Variants in IL19 observed in about 807,000 individuals in gnomAD.
IL19 encodes interleukin 19.
In IL19, 15 loss-of-function variants were observed where a neutral mutation model predicts 19.5. That is an observed-to-expected ratio of 0.77 (90% confidence interval 0.52 to 1.19). The LOEUF (loss-of-function observed/expected upper bound fraction) is 1.19, where lower values mean the gene tolerates loss of function less well. Ranked by LOEUF, IL19 falls within the 50% of genes most tolerant of loss-of-function variation. The probability of loss-of-function intolerance (pLI) is 0.00; values close to 1 mark genes in which losing one functional copy is unlikely to be tolerated. For synonymous variants in IL19, 78 were observed against 78.3 expected, an observed-to-expected ratio of 1.00 and a Z score of 0.02; for missense variants, 199 against 213.1, an observed-to-expected ratio of 0.93 and a Z score of 0.41.
At chr1:206,836,362 T>C (rs867435903) in intron 2 of IL19, among the ~76,000 whole-genome samples, 1 of 151,538 alleles carries the variant, frequency 6.6e-6, no homozygotes, top group Non-Finnish European at 1.5e-5. Flanking sequence ...TGTTGAGTCA[T>C]AGGAGAGTGA....
chr1:206,831,124 T>A (rs1280458161), intron 2 of IL19, among the ~76,000 whole-genome samples: 1 of 152,216 alleles, frequency 6.6e-6, no homozygotes, highest in Non-Finnish European at 1.5e-5. Context: ...TACTTAGGAA[T>A]GGCCAGGATC....
At chr1:206,800,363 G>A (rs1376008332) in intron 2 of IL19, among the ~76,000 whole-genome samples, 1 of 152,232 alleles carries the variant, frequency 6.6e-6, no homozygotes, top group East Asian at 1.9e-4. Context: ...GGCAGTGGTG[G>A]TGGGGTAGGG....
chr1:206,789,173 T>C (rs773875547), intron 1 of IL19, among the ~76,000 whole-genome samples: 4 of 152,204 alleles, frequency 2.6e-5, no homozygotes, highest in Non-Finnish European at 5.9e-5. Context: ...GTCCTGGCAT[T>C]CCATGAAGGT....
chr1:206,786,625 G>A (rs1161217353), intron 1 of IL19, among the ~76,000 whole-genome samples: 1 of 152,122 alleles, frequency 6.6e-6, no homozygotes, highest in Non-Finnish European at 1.5e-5. Context: ...AGCCCACGTT[G>A]AGCCAGAACT....
At position 206,839,948 on chromosome 1, in the gene IL19, A is replaced by C. The variant is rs908928493; in HGVS notation, c.309A>C (p.Lys103Asn). The stretch of plus-strand genomic sequence containing the variant: ...AGCCAAACCCCAAAATCTTGAGAAA[A>C]ATCAGCAGCATTGCCAACTCTTTCC... ...HQEPNPKILR[K>N]ISSIANSFLY... Residue 103 changes from lysine to asparagine, a missense_variant, in exon 5 of 7, where the codon AAA (lysine) becomes AAC (asparagine). Transcript: ENST00000659997. The C allele has an allele frequency of 1.9e-6, 3 of 1,614,048 alleles. No homozygotes were observed. Among genetic ancestry groups the C allele is most frequent in the Non-Finnish European group, 1.7e-6 (2 of 1,180,030 alleles).
chr1:206,827,158 TA>T (rs1470330056), intron 2 of IL19, among the ~76,000 whole-genome samples: 10 of 152,192 alleles, frequency 6.6e-5, no homozygotes, highest in Admixed American at 2.6e-4. Context: ...ACAGACTGAA[TA>T]TTTTTTTATT....
chr1:206,771,700 T>G (rs1245163304), intron 1 of IL19, among the ~76,000 whole-genome samples: 2 of 152,208 alleles, frequency 1.3e-5, no homozygotes. Context: ...GGAGCTACAT[T>G]CGGCTTTAAG....
intron 2 of IL19, among the ~76,000 whole-genome samples, chr1:206,829,732 A>C (rs1316670564): frequency 6.6e-6 from 1 of 152,164 alleles, no homozygotes; most frequent in Non-Finnish European, 1.5e-5. Flanking sequence ...GGGAGGCATC[A>C]GTTGGGCTCT....
intron 1 of IL19, among the ~76,000 whole-genome samples, chr1:206,787,140 C>G (rs1288556425): frequency 1.3e-5 from 2 of 152,188 alleles, no homozygotes; most frequent in Non-Finnish European, 2.9e-5. Context: ...GCCCTGTGCT[C>G]TCCCACGTCC....
At chr1:206,803,264 G>A (rs569317750) in intron 2 of IL19, among the ~76,000 whole-genome samples, 57 of 152,300 alleles carry the variant, frequency 3.7e-4, no homozygotes, top group African/African-American at 1.3e-3. Flanking sequence ...GTGCCAGGAA[G>A]TCGGGGTTGG....
intron 1 of IL19, chr1:206,772,223 T>C: frequency 6.4e-7 from 1 of 1,557,006 alleles, no homozygotes; most frequent in Non-Finnish European, 8.9e-7. Flanking sequence ...AATGTCTAGT[T>C]CAGGCAGTCC....
intron 1 of IL19, among the ~76,000 whole-genome samples, chr1:206,780,748 T>C (rs1205227934): frequency 1.3e-5 from 2 of 152,220 alleles, no homozygotes; most frequent in Non-Finnish European, 2.9e-5. Context: ...CAATTCTTTT[T>C]CAGATCAGTA....
intron 2 of IL19, among the ~76,000 whole-genome samples, chr1:206,821,740 G>C (rs1309344974): frequency 6.6e-6 from 1 of 152,254 alleles, no homozygotes; most frequent in Non-Finnish European, 1.5e-5. Context: ...GCTAAGAAAA[G>C]GGAGAAGTGA....
At chr1:206,789,960 T>C (rs1013864460) in intron 1 of IL19, among the ~76,000 whole-genome samples, 2 of 152,236 alleles carry the variant, frequency 1.3e-5, no homozygotes, top group South Asian at 2.1e-4. Context: ...TCCATATCTT[T>C]CCAATTGTGA....
At chr1:206,794,532 C>T (rs1034068622) in intron 1 of IL19, among the ~76,000 whole-genome samples, 1 of 152,186 alleles carries the variant, frequency 6.6e-6, no homozygotes, top group African/African-American at 2.4e-5. Context: ...GCCCCGGGTC[C>T]TCCTGTTGGG....
intron 1 of IL19, among the ~76,000 whole-genome samples, chr1:206,794,175 G>T (rs1663897018): frequency 6.6e-6 from 1 of 152,138 alleles, no homozygotes; most frequent in African/African-American, 2.4e-5. Context: ...CTTCTCATTG[G>T]CCACCAGAAC....
intron 1 of IL19, among the ~76,000 whole-genome samples, chr1:206,791,929 ATG>A (rs55855361): frequency 6.6e-6 from 1 of 151,306 alleles, no homozygotes; most frequent in Non-Finnish European, 1.5e-5. Flanking sequence ...GGTCCTGTGC[ATG>A]TGTGTGTGTG....
Position 206,794,052 on chromosome 1 carries a change from C to G in IL19, c.-148-4809C>G, listed in dbSNP as rs187838100. On this transcript the variant is annotated intron_variant, in intron 1 of 6. Transcript: ENST00000659997. ...ATCTAGGGACTCCTGGGTCATGGCTCTTCAGGTGGTGGATGGGCAATGTTC... is the reference window on the plus strand; with the variant it reads ...ATCTAGGGACTCCTGGGTCATGGCTGTTCAGGTGGTGGATGGGCAATGTTC... 1.6e-3 allele frequency among the ~76,000 whole-genome samples: 251 copies of G among 152,314 alleles called. 1 individual carries two copies. Among genetic ancestry groups the G allele is most frequent in the African/African-American group, 5.7e-3 (236 of 41,564 alleles).
chr1:206,771,011 C>T lies in IL19; in HGVS notation c.-216C>T, dbSNP rs780612967. ...TTCTCAGCTTGGGGCATCACCTCCT[C>T]CAGGTAAAACTGGATCATCTCAGAC... On this transcript the variant is annotated 5_prime_UTR_variant, in exon 1 of 7. Transcript: ENST00000659997. 2 of 1,614,144 alleles carry T rather than the reference C, an allele frequency of 1.2e-6. No individual in the cohort carries two copies. The highest frequency in any genetic ancestry group is 2.2e-5 in the South Asian group (2 of 91,076).
Sources: gnomAD v4.1 joint callset for allele counts (sites outside exome capture counted in the v4.1 genomes callset) on GRCh38, gnomAD v4.1.1 for gene constraint, MANE v1.5 for transcripts, NCBI Gene and HGNC (gene_info 2026-07-23, HGNC 2026-07-21) for gene names.